EFCAB5: variants seen among roughly 807,000 people sequenced by gnomAD.
The protein encoded by EFCAB5 is EF-hand calcium binding domain 5, also known as EF-hand calcium-binding domain-containing protein 5.
A neutral mutation model predicts 167.9 loss-of-function variants in EFCAB5; 131 were observed. That is an observed-to-expected ratio of 0.78 (90% CI 0.68 to 0.90). EFCAB5 has a LOEUF of 0.90. EFCAB5 is among the 40% of genes least tolerant of loss of function. The pLI, the probability that EFCAB5 is intolerant of heterozygous loss-of-function variation, is 0.00. For synonymous variants in EFCAB5, 574 were observed against 602.8 expected, an observed-to-expected ratio of 0.95 and a Z score of 0.70; for missense variants, 1,663 against 1,745.2, an observed-to-expected ratio of 0.95 and a Z score of 0.84.
chr17:30,023,186 A>G (rs951041789), intron 7 of EFCAB5, among the ~76,000 whole-genome samples: 2 of 152,168 alleles, frequency 1.3e-5, no homozygotes, highest in Non-Finnish European at 2.9e-5. Flanking sequence ...AAATCAGAGC[A>G]GAACTGAAGG....
At chr17:29,995,295 T>A (rs770168777) in intron 5 of EFCAB5, among the ~76,000 whole-genome samples, 24 of 152,232 alleles carry the variant, frequency 1.6e-4, no homozygotes, top group Non-Finnish European at 3.2e-4. Context: ...CTCAGAACAC[T>A]CTTATAGTAA....
chr17:30,008,363 C>T (rs1182247707), intron 7 of EFCAB5, among the ~76,000 whole-genome samples: 1 of 152,118 alleles, frequency 6.6e-6, no homozygotes, highest in Non-Finnish European at 1.5e-5. Context: ...GAGGCCGAGG[C>T]AGGCAGACCG....
At chr17:30,066,962 A>G (rs1324033443) in intron 14 of EFCAB5, among the ~76,000 whole-genome samples, 2 of 152,248 alleles carry the variant, frequency 1.3e-5, no homozygotes, top group Non-Finnish European at 2.9e-5. Context: ...TGAAGCAAAA[A>G]GAAATAGAAA....
At chr17:29,975,718 G>A (rs1022361515) in intron 4 of EFCAB5, among the ~76,000 whole-genome samples, 4 of 152,172 alleles carry the variant, frequency 2.6e-5, no homozygotes, top group African/African-American at 9.7e-5. Flanking sequence ...TGTTTTATGT[G>A]TGGTTATGAA....
At chr17:30,097,037 CATATACATATACAT>C (rs1399787209) in intron 22 of EFCAB5, among the ~76,000 whole-genome samples, 1 of 94,308 alleles carries the variant, frequency 1.1e-5, no homozygotes. Flanking sequence ...TATACATATA[CATATACATATACAT>C]ATATATATAT....
intron 8 of EFCAB5, 51 bp downstream of exon 8, chr17:30,034,436 CG>C (rs1189743930): frequency 7.8e-6 from 12 of 1,539,390 alleles, no homozygotes; most frequent in Non-Finnish European, 8.8e-6. Flanking sequence ...CTGTGGCTCA[CG>C]CCTGTAATCC....
intron 22 of EFCAB5, among the ~76,000 whole-genome samples, chr17:30,101,614 G>A (rs1469175675): frequency 6.6e-6 from 1 of 152,198 alleles, no homozygotes; most frequent in East Asian, 1.9e-4. Context: ...ATATAAAATC[G>A]AGATTGGTTG....
chr17:29,935,614 A>G (rs1423517340), intron 1 of EFCAB5, among the ~76,000 whole-genome samples: 1 of 152,206 alleles, frequency 6.6e-6, no homozygotes, highest in East Asian at 1.9e-4. Context: ...AAGAATTAAT[A>G]ACTAGATATA....
chr17:30,022,076 C>A (rs2069193141), intron 7 of EFCAB5, among the ~76,000 whole-genome samples: 1 of 152,108 alleles, frequency 6.6e-6, no homozygotes, highest in Non-Finnish European at 1.5e-5. Context: ...ATTTTCCTAG[C>A]GTATCTGTTT....
At chr17:29,934,593 A>G (rs1397961575) in intron 1 of EFCAB5, among the ~76,000 whole-genome samples, 1 of 152,200 alleles carries the variant, frequency 6.6e-6, no homozygotes, top group African/African-American at 2.4e-5. Context: ...TCCTGGCCTT[A>G]TCTGAGGCTG....
chr17:30,031,555 A>G (rs1444794485), intron 7 of EFCAB5, among the ~76,000 whole-genome samples: 2 of 152,228 alleles, frequency 1.3e-5, no homozygotes, highest in Non-Finnish European at 2.9e-5. Flanking sequence ...CGTACATACC[A>G]TAACTCAGTG....
chr17:29,942,833 T>A (rs996582731), intron 2 of EFCAB5, among the ~76,000 whole-genome samples: 1 of 151,398 alleles, frequency 6.6e-6, no homozygotes, highest in African/African-American at 2.4e-5. Flanking sequence ...AGGTCAGGAG[T>A]TCAAGACCGG....
At chr17:29,977,543 C>A (rs2068086183) in intron 4 of EFCAB5, among the ~76,000 whole-genome samples, 1 of 152,056 alleles carries the variant, frequency 6.6e-6, no homozygotes, top group African/African-American at 2.4e-5. Context: ...ATAATGCATA[C>A]CCAGTTCTGC....
chr17:29,943,579 GC>G lies in EFCAB5; in HGVS notation c.122del (p.Pro41GlnfsTer5). The stretch of plus-strand genomic sequence containing the variant: ...TCTTTTCAAAGACCTTACAGAGTGT[GC>G]CAGACGTTCCTGTAAAAGAGGACAC... ...KELHETLQSV[P>X]DVPVKEDTNS... On this transcript the variant is annotated frameshift_variant, in exon 3 of 23. Coordinates refer to ENST00000394835, the MANE Select transcript of EFCAB5 (RefSeq NM_198529.4). LOFTEE classifies it high-confidence loss of function. 6.3e-7 allele frequency: 1 copy of G among 1,581,392 alleles called. No individual in the cohort carries two copies. The highest frequency in any genetic ancestry group is 8.6e-7 in the Non-Finnish European group (1 of 1,163,088).
rs867266348 is a variant in EFCAB5 at position 30,068,760 on chromosome 17, G to A, written c.2737+9059G>A. The A allele has an allele frequency of 2.0e-5, 28 of 1,403,016 alleles. No homozygotes were observed. In the Middle Eastern group the frequency reaches 7.1e-4, roughly 36 times the overall value. The allele number at this position is 1,403,016 out of a possible 1,614,324, so 86.9% of individuals were successfully genotyped here. On this transcript the variant is annotated intron_variant, in intron 14 of 22. Coordinates refer to ENST00000394835, the MANE Select transcript of EFCAB5 (RefSeq NM_198529.4). Reference sequence around the variant, plus strand: ...ATGAGCTGTTCCGCAGGAGTCCCTGGCCCAAGGGCAACTTCTCCAGCCGGG... The same window carrying A: ...ATGAGCTGTTCCGCAGGAGTCCCTGACCCAAGGGCAACTTCTCCAGCCGGG...
chr17:30,031,132 AG>A (rs1181346193), intron 7 of EFCAB5, among the ~76,000 whole-genome samples: 1 of 152,206 alleles, frequency 6.6e-6, no homozygotes, highest in Non-Finnish European at 1.5e-5. Flanking sequence ...TCAAGTAAAA[AG>A]TCATTAAGGA....
At position 30,033,858 on chromosome 17, in the gene EFCAB5, C is replaced by T. The variant is rs190730365; in HGVS notation, c.1045-372C>T. Among the ~76,000 whole-genome samples, 65 of 152,296 alleles carry T rather than the reference C, an allele frequency of 4.3e-4. 1 individual carries two copies. Among genetic ancestry groups the T allele is most frequent in the Non-Finnish European group, 6.9e-4 (47 of 68,014 alleles). On this transcript the variant is annotated intron_variant, in intron 7 of 22. Transcript: ENST00000394835. ...TTGCAATACACATGCTTTTATATAC[C>T]ATATACCATAGAAAAACTGCATTCA...
chr17:29,991,661 A>T (rs1015227168), intron 4 of EFCAB5, among the ~76,000 whole-genome samples: 1 of 152,216 alleles, frequency 6.6e-6, no homozygotes, highest in Non-Finnish European at 1.5e-5. Flanking sequence ...CATGAGCATC[A>T]TGGCCATCAC....
At chr17:30,065,318 A>G (rs2070534303) in intron 14 of EFCAB5, among the ~76,000 whole-genome samples, 1 of 152,234 alleles carries the variant, frequency 6.6e-6, no homozygotes, top group Admixed American at 6.5e-5. Flanking sequence ...TTGAATATAA[A>G]TGGATTAAAT....
Sources: allele counts gnomAD v4.1 joint callset (sites outside exome capture counted in the v4.1 genomes callset), GRCh38; gene constraint gnomAD v4.1.1; transcripts MANE v1.5; gene names NCBI Gene and HGNC (gene_info 2026-07-23, HGNC 2026-07-21).